SH3RF2: variants seen among roughly 807,000 people sequenced by gnomAD.
The protein encoded by SH3RF2 is SH3 domain containing ring finger 2.
SH3RF2 carries 43 observed loss-of-function variants against 59.0 expected under a neutral mutation model. The ratio of observed to expected loss-of-function variants is 0.73; its 90% confidence interval spans 0.57 to 0.94. The LOEUF (loss-of-function observed/expected upper bound fraction) is 0.94. Ranked by LOEUF, SH3RF2 falls within the 40% of genes least tolerant of loss-of-function variation. SH3RF2 has a pLI of 0.00. For missense variants in SH3RF2, 930 were observed against 940.1 expected (o/e 0.99, Z 0.14); for synonymous variants, 391 against 391.5 (o/e 1.00, Z 0.01).
intron 7 of SH3RF2, among the ~76,000 whole-genome samples, chr5:146,052,717 A>G (rs529486861): frequency 6.6e-6 from 1 of 152,294 alleles, no homozygotes; most frequent in East Asian, 1.9e-4. Flanking sequence ...TACCCAGTCC[A>G]TCTATCTGTG....
At chr5:146,051,107 C>CACCTGTAATCCCAGCTACTG (rs1299954722) in intron 7 of SH3RF2, among the ~76,000 whole-genome samples, 1 of 152,150 alleles carries the variant, frequency 6.6e-6, no homozygotes, top group Non-Finnish European at 1.5e-5. Flanking sequence ...TGGTGGTGGA[C>CACCTGTAATCCCAGCTACTG]ACCTGTAATC....
At chr5:145,986,122 G>A (rs1370914809) in intron 2 of SH3RF2, among the ~76,000 whole-genome samples, 2 of 152,196 alleles carry the variant, frequency 1.3e-5, no homozygotes, top group East Asian at 3.8e-4. Flanking sequence ...CAGGCCCAGA[G>A]AGGTTCAGTA....
At chr5:146,062,093 A>T (rs1159340671) in intron 9 of SH3RF2, among the ~76,000 whole-genome samples, 1 of 152,106 alleles carries the variant, frequency 6.6e-6, no homozygotes, top group African/African-American at 2.4e-5. Flanking sequence ...AAATTTCTTT[A>T]ATCTTCCAGA....
intron 9 of SH3RF2, among the ~76,000 whole-genome samples, chr5:146,077,923 G>A (rs1451103400): frequency 6.6e-6 from 1 of 152,034 alleles, no homozygotes; most frequent in Non-Finnish European, 1.5e-5. Flanking sequence ...TAGATTCAGG[G>A]TTTAGAGTAG....
intron 5 of SH3RF2, among the ~76,000 whole-genome samples, chr5:146,045,323 A>G (rs985861600): frequency 1.3e-5 from 2 of 152,236 alleles, no homozygotes; most frequent in African/African-American, 2.4e-5. Flanking sequence ...TTAATGCTTT[A>G]TTATTGAGAT....
At chr5:145,951,822 G>T (rs955664462) in intron 2 of SH3RF2, among the ~76,000 whole-genome samples, 4 of 152,104 alleles carry the variant, frequency 2.6e-5, no homozygotes, top group African/African-American at 4.8e-5. Flanking sequence ...GGACTACCTC[G>T]CTTAGTTCTC....
intron 7 of SH3RF2, among the ~76,000 whole-genome samples, chr5:146,051,796 G>A (rs1042973201): frequency 1.3e-5 from 2 of 152,208 alleles, no homozygotes; most frequent in East Asian, 1.9e-4. Flanking sequence ...CCAGCCTTGA[G>A]ATGCTATTTA....
intron 2 of SH3RF2, among the ~76,000 whole-genome samples, chr5:145,981,058 C>T (rs563592298): frequency 3.3e-5 from 5 of 152,138 alleles, no homozygotes; most frequent in Admixed American, 1.3e-4. Context: ...TTGATGTCAT[C>T]GCATATGCAG....
chr5:146,068,869 T>A (rs1294066781), intron 9 of SH3RF2, among the ~76,000 whole-genome samples: 1 of 152,242 alleles, frequency 6.6e-6, no homozygotes, highest in Admixed American at 6.5e-5. Context: ...TGTACACATA[T>A]GTAATTATAC....
intron 3 of SH3RF2, among the ~76,000 whole-genome samples, chr5:146,002,370 G>C (rs1250854041): frequency 6.6e-6 from 1 of 152,078 alleles, no homozygotes; most frequent in African/African-American, 2.4e-5. Flanking sequence ...AGAATCGCTT[G>C]AACCCAGGAG....
At chr5:145,965,518 G>GA (rs1209578158) in intron 2 of SH3RF2, among the ~76,000 whole-genome samples, 2 of 151,768 alleles carry the variant, frequency 1.3e-5, no homozygotes, top group African/African-American at 4.8e-5. Context: ...AACTAAGAGG[G>GA]AAAAAAAAGT....
At chr5:146,036,796 A>G (rs1761951300) in intron 5 of SH3RF2, among the ~76,000 whole-genome samples, 1 of 152,180 alleles carries the variant, frequency 6.6e-6, no homozygotes, top group South Asian at 2.1e-4. Context: ...TGTGGGTTGC[A>G]TTTTCTGCTT....
At chr5:146,042,146 A>G (rs1440652044) in intron 5 of SH3RF2, among the ~76,000 whole-genome samples, 1 of 152,116 alleles carries the variant, frequency 6.6e-6, no homozygotes, top group East Asian at 1.9e-4. Flanking sequence ...GAGCCACGGC[A>G]TGGGATGGAG....
rs751106941 is a variant in SH3RF2 at position 146,004,078 on chromosome 5, C to A, written c.669C>A (p.Ile223=). The A allele has an allele frequency of 1.2e-6, 2 of 1,612,710 alleles. No individual in the cohort carries two copies. Among genetic ancestry groups the A allele is most frequent in the African/African-American group, 1.3e-5 (1 of 74,976 alleles). ...TFLKDDIITV[I]SRVDENWAEG... Reference sequence around the variant, plus strand: ...TTCAGGACGATATCATCACTGTGATCAGCCGAGTGGATGAGAACTGGGCAG... The same window carrying A: ...TTCAGGACGATATCATCACTGTGATAAGCCGAGTGGATGAGAACTGGGCAG... The change falls in exon 4 of 10, where the codon ATC becomes ATA. Residue 223 remains isoleucine (I), a synonymous_variant. Coordinates refer to ENST00000359120, the MANE Select transcript of SH3RF2 (RefSeq NM_152550.4).
intron 2 of SH3RF2, among the ~76,000 whole-genome samples, chr5:145,951,233 G>A (rs1488063477): frequency 6.6e-6 from 1 of 152,200 alleles, no homozygotes; most frequent in African/African-American, 2.4e-5. Context: ...AGGCTCGGGA[G>A]TACTTTGGGC....
chr5:145,950,834 G>A (rs866574668), intron 2 of SH3RF2, among the ~76,000 whole-genome samples: 2 of 152,182 alleles, frequency 1.3e-5, no homozygotes, highest in Non-Finnish European at 2.9e-5. Flanking sequence ...AGGCAAAATA[G>A]TTCATTGTAG....
At chr5:146,051,389 A>G (rs560002295) in intron 7 of SH3RF2, among the ~76,000 whole-genome samples, 2 of 152,326 alleles carry the variant, frequency 1.3e-5, no homozygotes, top group Admixed American at 1.3e-4. Context: ...TAAACTATAC[A>G]AAGGAAAAGG....
chr5:145,973,863 G>A (rs899829441), intron 2 of SH3RF2, among the ~76,000 whole-genome samples: 1 of 152,196 alleles, frequency 6.6e-6, no homozygotes, highest in Non-Finnish European at 1.5e-5. Context: ...TGAGTAAAAA[G>A]GGGTGAGGGA....
At chr5:145,953,077 G>A (rs1758252469) in intron 2 of SH3RF2, among the ~76,000 whole-genome samples, 1 of 151,658 alleles carries the variant, frequency 6.6e-6, no homozygotes, top group Non-Finnish European at 1.5e-5. Flanking sequence ...TAAAGGCTCT[G>A]AAGAAATATA....
Sources: allele counts gnomAD v4.1 joint callset (sites outside exome capture counted in the v4.1 genomes callset), GRCh38; gene constraint gnomAD v4.1.1; transcripts MANE v1.5; gene names NCBI Gene and HGNC (gene_info 2026-07-23, HGNC 2026-07-21).